The following PCDH7 variants were observed in gnomAD, a reference collection of about 807,000 sequenced individuals.
PCDH7 encodes protocadherin 7.
PCDH7 carries 17 observed loss-of-function variants against 58.9 expected under a neutral mutation model. The observed-to-expected ratio is 0.29, with a 90% CI of 0.20 to 0.43. The LOEUF (loss-of-function observed/expected upper bound fraction) is 0.43. PCDH7 is among the 20% of genes least tolerant of loss of function. The pLI is 1.00. For missense variants in PCDH7, 1,274 were observed against 1,441.0 expected (o/e 0.88, Z 1.88); for synonymous variants, 664 against 616.4 (o/e 1.08, Z -1.14).
chr4:30,879,334 A>T (rs1371076265), intron 1 of PCDH7, among the ~76,000 whole-genome samples: 1 of 152,088 alleles, frequency 6.6e-6, no homozygotes, highest in Non-Finnish European at 1.5e-5. Context: ...GACAAAAAAA[A>T]TCAAAAGTGA....
chr4:30,863,748 C>T (rs1200590097), intron 1 of PCDH7, among the ~76,000 whole-genome samples: 2 of 152,022 alleles, frequency 1.3e-5, no homozygotes, highest in East Asian at 1.9e-4. Context: ...TTGGCACACA[C>T]AAAAATTTCA....
At chr4:30,992,564 A>G (rs899829030) in intron 3 of PCDH7, among the ~76,000 whole-genome samples, 4 of 152,174 alleles carry the variant, frequency 2.6e-5, no homozygotes, top group Non-Finnish European at 4.4e-5. Context: ...TTTGCCTTTC[A>G]GATGGGGCTA....
rs75270458 is a variant in PCDH7, at chr4:30,916,833, T to C, written c.71-3320T>C. On this transcript the variant is annotated intron_variant, in intron 1 of 3. Coordinates refer to the PCDH7 transcript ENST00000509759. ...TTCCTTTCTGTGCCTCTTCATCAGC[T>C]GGGGATTTTTAAAAACTCCCGATCT... 3.4e-3 allele frequency among the ~76,000 whole-genome samples: 516 copies of C among 152,300 alleles called. 14 individuals are homozygous for C. In the East Asian group the frequency reaches 0.056, roughly 16 times the overall value.
chr4:31,014,368 T>G (rs1468557729), intron 3 of PCDH7, among the ~76,000 whole-genome samples: 1 of 152,182 alleles, frequency 6.6e-6, no homozygotes, highest in Admixed American at 6.5e-5. Context: ...ACCCATGTAT[T>G]TTGAAATTGT....
At chr4:30,979,284 C>G (rs1750346030) in intron 3 of PCDH7, among the ~76,000 whole-genome samples, 1 of 149,006 alleles carries the variant, frequency 6.7e-6, no homozygotes, top group African/African-American at 2.5e-5. Flanking sequence ...CGAGGTGGTG[C>G]CACTGCACTC....
chr4:30,966,510 G>A (rs77778828), intron 3 of PCDH7, among the ~76,000 whole-genome samples: 1,700 of 152,228 alleles, frequency 0.011, 26 homozygotes, highest in African/African-American at 0.035. Flanking sequence ...CAGGAAAAAT[G>A]TGGGGTGCCT....
intron 1 of PCDH7, among the ~76,000 whole-genome samples, chr4:30,899,433 T>C (rs956510875): frequency 6.6e-6 from 1 of 152,182 alleles, no homozygotes; most frequent in Non-Finnish European, 1.5e-5. Context: ...AGGTCCCAGC[T>C]CCTTAAAGCT....
chr4:30,837,878 TA>T (rs1730697555), intron 1 of PCDH7, among the ~76,000 whole-genome samples: 1 of 136,328 alleles, frequency 7.3e-6, no homozygotes, highest in Non-Finnish European at 1.5e-5. Flanking sequence ...ATTTTAAAAA[TA>T]TATATTTATT....
chr4:30,841,887 C>T (rs1324978372), intron 1 of PCDH7, among the ~76,000 whole-genome samples: 1 of 151,972 alleles, frequency 6.6e-6, no homozygotes, highest in Non-Finnish European at 1.5e-5. Context: ...CTGAGTTGTC[C>T]ATTGAGACAG....
In PCDH7 at chr4:30,868,220, G is replaced by A. The variant is rs528930133; in HGVS notation, c.71-51933G>A. ...GGCGAAATTCCTATATGCCAGGCAT[G>A]GTGCTAAGTGTTTTACATACATCAC... On this transcript the variant is annotated intron_variant, in intron 1 of 3. Coordinates refer to the PCDH7 transcript ENST00000509759. Among the ~76,000 whole-genome samples the A allele has an allele frequency of 9.2e-5, 14 of 152,076 alleles. No homozygotes were observed. The South Asian group carries it at 1.2e-3, about 14-fold the overall frequency.
intron 1 of PCDH7, among the ~76,000 whole-genome samples, chr4:30,840,417 G>T (rs926020723): frequency 8.5e-5 from 13 of 152,058 alleles, no homozygotes; most frequent in Admixed American, 8.5e-4. Flanking sequence ...TATGTGGTTT[G>T]TGGGATTTTT....
chr4:30,838,408 T>C lies in PCDH7; in HGVS notation c.71-81745T>C, dbSNP rs190011397. ...TAAATTAGGCCTTTTCTTGACACCT[T>C]AGCATTCAGAAGGGGCTGTAATCAT... is the stretch of plus-strand genomic sequence containing the variant. On this transcript the variant is annotated intron_variant, in intron 1 of 3. Coordinates refer to the PCDH7 transcript ENST00000509759. Among the ~76,000 whole-genome samples the C allele has an allele frequency of 1.3e-4, 20 of 152,228 alleles. 1 individual carries two copies. The East Asian group carries it at 3.3e-3, about 25-fold the overall frequency.
intron 1 of PCDH7, among the ~76,000 whole-genome samples, chr4:30,877,263 A>G (rs1736411961): frequency 1.3e-5 from 2 of 152,154 alleles, no homozygotes; most frequent in Non-Finnish European, 2.9e-5. Context: ...CAATGTGTGG[A>G]AGGTAAATGC....
At chr4:30,911,294 A>G (rs1353010477) in intron 1 of PCDH7, among the ~76,000 whole-genome samples, 2 of 149,116 alleles carry the variant, frequency 1.3e-5, no homozygotes, top group Non-Finnish European at 2.9e-5. Flanking sequence ...TGTATCCAGA[A>G]CTTAAGGTAT....
At chr4:30,733,029 C>T (rs181991861), downstream of PCDH7, 5 of 152,340 alleles carry the variant, frequency 3.3e-5, no homozygotes, top group East Asian at 9.7e-4. Context: ...TTCCCCAGTC[C>T]CTTACCATGC....
At chr4:30,752,194 C>T (rs529302265) in intron 1 of PCDH7, among the ~76,000 whole-genome samples, 3 of 151,968 alleles carry the variant, frequency 2.0e-5, no homozygotes, top group East Asian at 1.9e-4. Flanking sequence ...AGTGCAGTGG[C>T]GTGATCCCGG....
intron 3 of PCDH7, among the ~76,000 whole-genome samples, chr4:30,965,501 T>C (rs1317792938): frequency 6.6e-6 from 1 of 152,070 alleles, no homozygotes; most frequent in African/African-American, 2.4e-5. Context: ...GCCTCCACTT[T>C]TTCTTCAAGC....
At chr4:30,815,216 G>C (rs1727523143) in intron 1 of PCDH7, among the ~76,000 whole-genome samples, 1 of 151,848 alleles carries the variant, frequency 6.6e-6, no homozygotes, top group African/African-American at 2.4e-5. Flanking sequence ...ACCCAGTACT[G>C]TTGCTAGTGG....
intron 1 of PCDH7, among the ~76,000 whole-genome samples, chr4:30,894,510 TATATATACACACAC>T (rs765100927): frequency 5.8e-3 from 285 of 49,446 alleles, no homozygotes; most frequent in South Asian, 8.5e-3. Flanking sequence ...TATATATATA[TATATATACACACAC>T]ACACACACAC....
Sources: allele counts gnomAD v4.1 joint callset (sites outside exome capture counted in the v4.1 genomes callset), GRCh38; gene constraint gnomAD v4.1.1; transcripts MANE v1.5; gene names NCBI Gene and HGNC (gene_info 2026-07-23, HGNC 2026-07-21).